Variants in KAZN observed in about 807,000 individuals in gnomAD.
KAZN encodes kazrin, periplakin interacting protein, also known as kazrin.
In KAZN, 40 loss-of-function variants were observed where a neutral mutation model predicts 87.4. The ratio of observed to expected loss-of-function variants is 0.46; its 90% CI spans 0.36 to 0.60. The LOEUF (loss-of-function observed/expected upper bound fraction) is 0.60, where lower values mean the gene tolerates loss of function less well. Ranked by LOEUF, KAZN falls within the 20% of genes least tolerant of loss-of-function variation. The pLI, the probability that KAZN is intolerant of heterozygous loss-of-function variation, is 0.00. For synonymous variants in KAZN, 466 were observed against 458.3 expected, an observed-to-expected ratio of 1.02 and a Z score of -0.22; for missense variants, 898 against 1,073.9, an observed-to-expected ratio of 0.84 and a Z score of 2.29.
At chr1:14,361,831 G>A (rs772528395) in intron 2 of KAZN, among the ~76,000 whole-genome samples, 1 of 152,140 alleles carries the variant, frequency 6.6e-6, no homozygotes, top group African/African-American at 2.4e-5. Context: ...GTTCCTATTC[G>A]GCCATCTTGA....
chr1:14,431,477 T>C (rs970364848), intron 2 of KAZN, among the ~76,000 whole-genome samples: 1 of 152,162 alleles, frequency 6.6e-6, no homozygotes, highest in Non-Finnish European at 1.5e-5. Context: ...GATGTCCACT[T>C]GCTTGAATTG....
chr1:14,720,864 G>A (rs951151824), intron 1 of KAZN, among the ~76,000 whole-genome samples: 4 of 152,064 alleles, frequency 2.6e-5, no homozygotes, highest in African/African-American at 9.7e-5. Flanking sequence ...CTACTACCGC[G>A]CCTGACCTTC....
chr1:14,756,208 C>T (rs570565566), intron 1 of KAZN, among the ~76,000 whole-genome samples: 3 of 152,318 alleles, frequency 2.0e-5, no homozygotes, highest in Admixed American at 2.0e-4. Context: ...AGCATCTGAG[C>T]GGACATCCTG....
intron 1 of KAZN, among the ~76,000 whole-genome samples, chr1:14,950,136 G>A (rs1413705875): frequency 2.6e-5 from 4 of 152,102 alleles, no homozygotes; most frequent in Admixed American, 6.5e-5. Context: ...GGGGAGCGCC[G>A]TGGAAGAAAC....
At chr1:14,321,939 G>C (rs78600912) in intron 2 of KAZN, among the ~76,000 whole-genome samples, 1 of 152,062 alleles carries the variant, frequency 6.6e-6, no homozygotes, top group African/African-American at 2.4e-5. Flanking sequence ...CTGGGCTCTC[G>C]TTTGCTTATA....
intron 1 of KAZN, among the ~76,000 whole-genome samples, chr1:14,032,736 G>T (rs10927999): frequency 2.0e-5 from 3 of 152,044 alleles, no homozygotes; most frequent in Admixed American, 2.0e-4. Flanking sequence ...CCTCCTTAAC[G>T]TGTGTAACTC....
intron 2 of KAZN, among the ~76,000 whole-genome samples, chr1:14,994,213 G>A (rs1247647324): frequency 6.6e-6 from 1 of 152,250 alleles, no homozygotes; most frequent in South Asian, 2.1e-4. Flanking sequence ...GCTGCAGGCC[G>A]TGGCCCTTGG....
chr1:14,960,105 T>G (rs1291523915), intron 1 of KAZN, among the ~76,000 whole-genome samples: 1 of 152,152 alleles, frequency 6.6e-6, no homozygotes, highest in Non-Finnish European at 1.5e-5. Flanking sequence ...CTCGAGGGTA[T>G]GTGTTTTGCA....
At chr1:15,083,145 AC>A (rs1640086176) in intron 8 of KAZN, among the ~76,000 whole-genome samples, 1 of 152,172 alleles carries the variant, frequency 6.6e-6, no homozygotes, top group African/African-American at 2.4e-5. Context: ...AGCAGCAAGT[AC>A]CAGGGTGCTC....
intron 2 of KAZN, among the ~76,000 whole-genome samples, chr1:14,205,952 C>T (rs562170650): frequency 4.3e-5 from 6 of 140,452 alleles, no homozygotes; most frequent in East Asian, 2.1e-4. Flanking sequence ...AACACACCAA[C>T]GTGGCGCATG....
intron 2 of KAZN, among the ~76,000 whole-genome samples, chr1:14,572,294 C>G (rs142995678): frequency 1.4e-4 from 22 of 152,252 alleles, no homozygotes; most frequent in African/African-American, 5.3e-4. Context: ...CGGCATTGTA[C>G]AAAGGCTGTG....
intron 1 of KAZN, among the ~76,000 whole-genome samples, chr1:13,927,216 C>A (rs1464568853): frequency 1.3e-5 from 2 of 152,112 alleles, no homozygotes; most frequent in African/African-American, 2.4e-5. Flanking sequence ...TATCAAGGTG[C>A]CTGTGTCTTC....
chr1:14,370,028 C>T (rs559880352), intron 2 of KAZN, among the ~76,000 whole-genome samples: 1 of 152,296 alleles, frequency 6.6e-6, no homozygotes, highest in East Asian at 1.9e-4. Flanking sequence ...GGCCTTTTGG[C>T]CCCTCTCCAG....
At chr1:14,078,788 G>A (rs113956166) in intron 1 of KAZN, among the ~76,000 whole-genome samples, 2,543 of 152,232 alleles carry the variant, frequency 0.017, 74 homozygotes, top group African/African-American at 0.058. Flanking sequence ...GGGTTCAAAC[G>A]ATTCTCCTGC....
chr1:14,758,994 C>T (rs1644657838), intron 1 of KAZN, among the ~76,000 whole-genome samples: 1 of 152,086 alleles, frequency 6.6e-6, no homozygotes, highest in South Asian at 2.1e-4. Context: ...GACTTTATTC[C>T]ACCAGTTCAC....
intron 1 of KAZN, among the ~76,000 whole-genome samples, chr1:14,702,930 G>T (rs1301901876): frequency 6.6e-6 from 1 of 152,112 alleles, no homozygotes; most frequent in African/African-American, 2.4e-5. Context: ...AAATTTTGGG[G>T]GTAATTTTTG....
chr1:14,583,198 A>T (rs1675657632), intron 2 of KAZN, among the ~76,000 whole-genome samples: 1 of 152,236 alleles, frequency 6.6e-6, no homozygotes, highest in African/African-American at 2.4e-5. Context: ...GAGGTCAACC[A>T]GGGATTTGGC....
chr1:14,076,116 C>G (rs561452410), intron 1 of KAZN, among the ~76,000 whole-genome samples: 1 of 151,926 alleles, frequency 6.6e-6, no homozygotes, highest in African/African-American at 2.4e-5. Context: ...CCTGTCTCTA[C>G]TAAAAATACA....
At chr1:14,922,522 C>T (rs767415577) in intron 1 of KAZN, among the ~76,000 whole-genome samples, 39 of 152,066 alleles carry the variant, frequency 2.6e-4, no homozygotes, top group Non-Finnish European at 4.9e-4. Flanking sequence ...GCCACTCTGC[C>T]GTCCTCTGGC....
Sources: allele counts gnomAD v4.1 joint callset (sites outside exome capture counted in the v4.1 genomes callset), GRCh38; gene constraint gnomAD v4.1.1; transcripts MANE v1.5; gene names NCBI Gene and HGNC (gene_info 2026-07-23, HGNC 2026-07-21).